Variants in PDILT observed in about 807,000 individuals in gnomAD.
PDILT encodes the protein protein disulfide isomerase like, testis expressed, also known as protein disulfide-isomerase-like protein of the testis.
A neutral mutation model predicts 53.7 loss-of-function variants in PDILT; 43 were observed. The observed-to-expected ratio is 0.80, with a 90% CI of 0.63 to 1.03. The LOEUF (loss-of-function observed/expected upper bound fraction) is 1.03. Ranked by LOEUF, PDILT falls within the 50% of genes least tolerant of loss-of-function variation. The pLI is 0.00. For synonymous variants in PDILT, 282 were observed against 274.2 expected, an observed-to-expected ratio of 1.03 and a Z score of -0.28; for missense variants, 727 against 712.3, an observed-to-expected ratio of 1.02 and a Z score of -0.24.
At chr16:20,403,123 T>C (rs763431446) in intron 1 of PDILT, among the ~76,000 whole-genome samples, 1 of 152,120 alleles carries the variant, frequency 6.6e-6, no homozygotes, top group Non-Finnish European at 1.5e-5. Flanking sequence ...CTCCACATTC[T>C]CCCTGTGTGC....
At chr16:20,361,209 T>C (rs960862287) in intron 10 of PDILT, among the ~76,000 whole-genome samples, 6 of 149,468 alleles carry the variant, frequency 4.0e-5, no homozygotes, top group Non-Finnish European at 7.5e-5. Flanking sequence ...TTTTTTTATA[T>C]GGAATCTTGC....
chr16:20,387,138 A>T (rs1966550308), intron 2 of PDILT, among the ~76,000 whole-genome samples: 1 of 152,216 alleles, frequency 6.6e-6, no homozygotes, highest in South Asian at 2.1e-4. Flanking sequence ...TGTCCTAGGG[A>T]TTGGGGATAT....
At chr16:20,362,157 C>CA (rs1322319925) in intron 10 of PDILT, among the ~76,000 whole-genome samples, 9 of 152,332 alleles carry the variant, frequency 5.9e-5, no homozygotes, top group African/African-American at 2.2e-4. Context: ...TCAAAACACC[C>CA]ACATCCACTT....
At chr16:20,376,551 A>C (rs1313027068) in intron 3 of PDILT, among the ~76,000 whole-genome samples, 1 of 152,238 alleles carries the variant, frequency 6.6e-6, no homozygotes, top group Non-Finnish European at 1.5e-5. Flanking sequence ...AGAGAACCTG[A>C]AGATCAAATT....
chr16:20,363,626 T>G (rs1223230552), intron 9 of PDILT, among the ~76,000 whole-genome samples: 3 of 152,190 alleles, frequency 2.0e-5, no homozygotes, highest in African/African-American at 7.2e-5. Flanking sequence ...AAAGACAGGC[T>G]GCTTTGACCT....
rs746922029 is a variant in PDILT, at chr16:20,384,748, GTCCACTTTGCCAAAGCCGA to G, written c.287_305del (p.Ile96ThrfsTer4). On this transcript the variant is annotated frameshift_variant, in exon 3 of 12. Coordinates refer to ENST00000302451, the MANE Select transcript of PDILT (RefSeq NM_174924.2). LOFTEE classifies it high-confidence loss of function. The stretch of plus-strand genomic sequence containing the variant: ...GCTGAAGCTCCTTCTCTATGGTAAT[GTCCACTTTGCCAAAGCCGA>G]TCCCATTCTTGCCTTTGCCCATGAT... The G allele has an allele frequency of 6.2e-7, 1 of 1,614,032 alleles. No homozygotes were observed. Among genetic ancestry groups the G allele is most frequent in the African/African-American group, 1.3e-5 (1 of 74,904 alleles).
At chr16:20,397,501 A>C (rs117597138) in intron 2 of PDILT, among the ~76,000 whole-genome samples, 2,032 of 152,234 alleles carry the variant, frequency 0.013, 17 homozygotes, top group Non-Finnish European at 0.023. Context: ...CAGAATGCTC[A>C]AGATCACCAG....
At position 20,398,355 on chromosome 16, in the gene PDILT, T is replaced by C. The variant is rs535625361; in HGVS notation, c.202+744A>G. On this transcript the variant is annotated intron_variant, in intron 2 of 11. Transcript: ENST00000302451. ...TGATGGTCTCGGCTGGGCACAGTGGTTCACGCCTGTAATCCCAGCAGTTTA... is the reference window on the plus strand; with the variant it reads ...TGATGGTCTCGGCTGGGCACAGTGGCTCACGCCTGTAATCCCAGCAGTTTA... Among the ~76,000 whole-genome samples, 98 of 152,066 alleles carry C rather than the reference T, an allele frequency of 6.4e-4. No homozygotes were observed. In the South Asian group the frequency reaches 0.01, roughly 16 times the overall value.
At chr16:20,390,855 C>T (rs544749608) in intron 2 of PDILT, 2 of 152,298 alleles carry the variant, frequency 1.3e-5, no homozygotes, top group South Asian at 2.1e-4. Flanking sequence ...CTGACACCTA[C>T]GTGCTTCATA....
rs1567320425 is a variant in PDILT, at chr16:20,366,980, C to CTATTTA, written c.1117-1441_1117-1440insTAAATA. 8.5e-4 allele frequency among the ~76,000 whole-genome samples: 38 copies of CTATTTA among 44,902 alleles called. 1 individual carries two copies. Among genetic ancestry groups the CTATTTA allele is most frequent in the South Asian group, 2.0e-3 (4 of 1,976 alleles). The allele number at this position is 44,902 out of a possible 152,430, so 29.5% of individuals were successfully genotyped here. Reference sequence around the variant, plus strand: ...CCTTCCTTCCTTCCTTCCTTCCTTCCTTCCTTCCTTTCTTTCTTTCTTTAT... The same window carrying CTATTTA: ...CCTTCCTTCCTTCCTTCCTTCCTTCCTATTTATTCCTTCCTTTCTTTCTTTCTTTAT... On this transcript the variant is annotated intron_variant, in intron 8 of 11. Coordinates refer to ENST00000302451, the MANE Select transcript of PDILT (RefSeq NM_174924.2).
At chr16:20,395,928 T>C (rs1966657013) in intron 2 of PDILT, among the ~76,000 whole-genome samples, 1 of 152,112 alleles carries the variant, frequency 6.6e-6, no homozygotes, top group African/African-American at 2.4e-5. Context: ...ACCAGCAGAG[T>C]TGTGAACCAA....
At chr16:20,379,795 C>A (rs1966437447) in intron 3 of PDILT, among the ~76,000 whole-genome samples, 1 of 152,212 alleles carries the variant, frequency 6.6e-6, no homozygotes, top group Non-Finnish European at 1.5e-5. Flanking sequence ...TCATGTGAAG[C>A]TGATATGGTG....
In PDILT at chr16:20,359,461, A is replaced by C. The variant is rs1349909260; in HGVS notation, c.1613T>G (p.Leu538Arg). The C allele has an allele frequency of 1.9e-6, 3 of 1,614,028 alleles. No homozygotes were observed. Among genetic ancestry groups the C allele is most frequent in the Admixed American group, 1.7e-5 (1 of 59,998 alleles). ...KGLPEQQSPE[L>R]ENMTKYVSKL... The stretch of plus-strand genomic sequence containing the variant: ...GGATACGTACTTGGTCATGTTCTCC[A>C]GCTCAGGCGACTGCTGTTCAGGTAA... Residue 538 changes from leucine (L) to arginine (R), a missense_variant, in exon 12 of 12, where the codon CTG becomes CGG. Leu to Arg is a moderately radical substitution (Grantham distance 102, BLOSUM62 -2). Transcript: ENST00000302451.
chr16:20,390,200 T>C (rs1182760883), intron 2 of PDILT, among the ~76,000 whole-genome samples: 3 of 152,180 alleles, frequency 2.0e-5, no homozygotes, highest in African/African-American at 4.8e-5. Context: ...AATCTCTTCT[T>C]GTTTCTCAGG....
rs1216107739 is a variant in PDILT at position 20,367,091 on chromosome 16, CTTTCTTTCT to C, written c.1117-1560_1117-1552del. Among the ~76,000 whole-genome samples, 37 of 99,410 alleles carry C rather than the reference CTTTCTTTCT, an allele frequency of 3.7e-4. 1 individual carries two copies. Among genetic ancestry groups the C allele is most frequent in the African/African-American group, 1.5e-3 (35 of 23,630 alleles). The allele number at this position is 99,410 out of a possible 152,430, so 65.2% of individuals were successfully genotyped here. ...TCTTTCTTTCTTTCTTTCTTTCTTT[CTTTCTTTCT>C]TTCTTCCTTTCTTTCCTTTTGAGAC... On this transcript the variant is annotated intron_variant, in intron 8 of 11. Coordinates refer to ENST00000302451, the MANE Select transcript of PDILT (RefSeq NM_174924.2).
intron 7 of PDILT, among the ~76,000 whole-genome samples, chr16:20,371,269 C>A (rs1966302753): frequency 6.6e-6 from 1 of 152,100 alleles, no homozygotes; most frequent in Non-Finnish European, 1.5e-5. Context: ...GGATGGTAAG[C>A]TAGAAAGTGA....
At position 20,372,852 on chromosome 16, in the gene PDILT, C is replaced by G; in HGVS notation, c.868G>C (p.Gly290Arg). The G allele has an allele frequency of 6.2e-7, 1 of 1,614,036 alleles. No individual in the cohort carries two copies. Among genetic ancestry groups the G allele is most frequent in the South Asian group, 1.1e-5 (1 of 91,064 alleles). ...LFVSKSSESY[G>R]IIIQHYKLAS... ...AGCTTATAATGCTGAATTATGATAC[C>G]ATATGACTCGGAGCTTTTGGAGACA... is the stretch of plus-strand genomic sequence containing the variant. The change falls in exon 7 of 12, where the codon GGT becomes CGT. Residue 290 changes from glycine to arginine, a missense_variant. Gly to Arg is a moderately radical substitution (Grantham distance 125). Coordinates refer to ENST00000302451, the MANE Select transcript of PDILT (RefSeq NM_174924.2).
intron 7 of PDILT, among the ~76,000 whole-genome samples, chr16:20,370,895 C>T (rs746196222): frequency 5.9e-5 from 9 of 152,198 alleles, no homozygotes; most frequent in East Asian, 1.9e-4. Flanking sequence ...CAGGAAGTTA[C>T]ACTATATGGT....
rs998875175 is a variant in PDILT at position 20,384,259 on chromosome 16, T to G, written c.409+386A>C. 2.6e-5 allele frequency among the ~76,000 whole-genome samples: 4 copies of G among 152,302 alleles called. No individual in the cohort carries two copies. In the South Asian group the frequency reaches 6.2e-4, roughly 24 times the overall value. ...GGCCCATCAGCTGAGCTTCAAGCTG[T>G]AGTAGAAGCAGCCACATATTCACTA... is the stretch of plus-strand genomic sequence containing the variant. On this transcript the variant is annotated intron_variant, in intron 3 of 11. Transcript: ENST00000302451.
Sources: allele counts gnomAD v4.1 joint callset (sites outside exome capture counted in the v4.1 genomes callset), GRCh38; gene constraint gnomAD v4.1.1; transcripts MANE v1.5; gene names NCBI Gene and HGNC (gene_info 2026-07-23, HGNC 2026-07-21).